The following THOC2 variants were observed in gnomAD, a reference collection of about 807,000 sequenced individuals.
The protein encoded by THOC2 is THO complex 2.
THOC2 carries 10 observed loss-of-function variants against 128.4 expected under a neutral mutation model. The observed-to-expected ratio is 0.08, with a 90% CI of 0.05 to 0.13. The LOEUF is 0.13. THOC2 is among the 10% of genes least tolerant of loss of function. The pLI, the probability that THOC2 is intolerant of heterozygous loss-of-function variation, is 1.00. For synonymous variants in THOC2, 393 were observed against 396.9 expected (o/e 0.99, Z 0.12); for missense variants, 535 against 1,155.7 (o/e 0.46, Z 7.79).
chrX:123,623,617 T>C (rs1346831562), intron 28 of THOC2, 170 bp downstream of exon 28: 1 of 1,090,176 alleles, frequency 9.2e-7, no homozygotes, highest in Non-Finnish European at 1.2e-6. Context: ...AGACCGGAAG[T>C]TGATAATCAG....
intron 4 of THOC2, among the ~76,000 whole-genome samples, chrX:123,702,683 A>G (rs2050757596): frequency 1.9e-5 from 2 of 106,122 alleles, no homozygotes; most frequent in South Asian, 8.2e-4. Context: ...GGATCACTTG[A>G]GCCCACGAGG....
chrX:123,621,763 T>C (rs751661950), intron 30 of THOC2, among the ~76,000 whole-genome samples, 176 bp from the exon 31 acceptor site: 1 of 111,919 alleles, frequency 8.9e-6, no homozygotes, highest in African/African-American at 3.2e-5. Context: ...GAAGTAATGG[T>C]CGGGTGCAGT....
At chrX:123,643,407 T>A (rs1051695453) in intron 15 of THOC2, among the ~76,000 whole-genome samples, 1 of 111,500 alleles carries the variant, frequency 9.0e-6, no homozygotes, top group Non-Finnish European at 1.9e-5. Context: ...ATAACTAAGG[T>A]AGTAGTGGTA....
At chrX:123,652,459 G>C (rs1160033696) in intron 12 of THOC2, among the ~76,000 whole-genome samples, 1 of 111,656 alleles carries the variant, frequency 9.0e-6, no homozygotes, top group African/African-American at 3.3e-5. Context: ...AAGAAATAAA[G>C]GGTACTGAAA....
Position 123,638,828 on chromosome X carries a change from G to C in THOC2, c.1840+106C>G, listed in dbSNP as rs758857858. The stretch of plus-strand genomic sequence containing the variant: ...TGACCAAACTTCAGATCAGCCACCT[G>C]AATCAACCTCAGATGGTTACTAAAG... On this transcript the variant is annotated intron_variant, in intron 17 of 38. Coordinates refer to ENST00000245838, the MANE Select transcript of THOC2 (RefSeq NM_001081550.2). The C allele has an allele frequency of 8.5e-5, 40 of 469,095 alleles. No individual in the cohort carries two copies. In the South Asian group the frequency reaches 1.7e-3, roughly 19 times the overall value. The allele number at this position is 469,095 out of a possible 1,213,427, so 38.7% of individuals were successfully genotyped here. A position where few individuals can be genotyped will look rare whatever the true frequency, so the allele number is the denominator to read the frequency against.
At chrX:123,657,037 C>CA (rs777740037) in intron 12 of THOC2, among the ~76,000 whole-genome samples, 1 of 110,596 alleles carries the variant, frequency 9.0e-6, no homozygotes, top group Non-Finnish European at 1.9e-5. Flanking sequence ...GCAATATAAG[C>CA]AGAGATATGG....
At chrX:123,652,314 C>A (rs1484332245) in intron 12 of THOC2, among the ~76,000 whole-genome samples, 1 of 111,861 alleles carries the variant, frequency 8.9e-6, no homozygotes, top group African/African-American at 3.3e-5. Flanking sequence ...GACAAACCCA[C>A]AGCCAATATC....
intron 12 of THOC2, among the ~76,000 whole-genome samples, chrX:123,649,586 A>C (rs6608110): frequency 0.35 from 38,264 of 109,330 alleles, 5,104 homozygotes; most frequent in East Asian, 0.67. Context: ...GCTAACTAGA[A>C]TAACCAGTTA....
chrX:123,616,781 G>T (rs748456175), intron 33 of THOC2, among the ~76,000 whole-genome samples: 21 of 110,176 alleles, frequency 1.9e-4, no homozygotes, highest in Non-Finnish European at 2.3e-4. Context: ...TAGGGGTAAA[G>T]GGTGAACTGA....
At chrX:123,648,874 G>A (rs1003071942) in intron 12 of THOC2, among the ~76,000 whole-genome samples, 2 of 111,963 alleles carry the variant, frequency 1.8e-5, no homozygotes, top group African/African-American at 6.5e-5. Context: ...GGGAAGAGGC[G>A]GCTGTGGGCA....
At chrX:123,723,161 G>A (rs1466784117) in intron 1 of THOC2, among the ~76,000 whole-genome samples, 1 of 110,434 alleles carries the variant, frequency 9.1e-6, no homozygotes, top group Non-Finnish European at 1.9e-5. Context: ...CAAACTAGGC[G>A]ACAGAGCAAG....
intron 12 of THOC2, among the ~76,000 whole-genome samples, chrX:123,647,445 G>GCATTCATT (rs199902229): frequency 1.3e-4 from 14 of 111,016 alleles, no homozygotes; most frequent in African/African-American, 4.3e-4. Flanking sequence ...CAAGAGACAT[G>GCATTCATT]CATTCATTCA....
chrX:123,725,428 C>CAA lies in THOC2; in HGVS notation c.71+7522_71+7523dup, dbSNP rs766388135. 3.1e-3 allele frequency among the ~76,000 whole-genome samples: 169 copies of CAA among 54,854 alleles called. 1 individual carries two copies. Among genetic ancestry groups the CAA allele is most frequent in the African/African-American group, 4.3e-3 (61 of 14,306 alleles). 47.6% of individuals were successfully genotyped at this position (54,854 alleles called of 115,157 possible). A position where few individuals can be genotyped will look rare whatever the true frequency, so the allele number is the denominator to read the frequency against. On this transcript the variant is annotated intron_variant, in intron 1 of 38. Coordinates refer to ENST00000245838, the MANE Select transcript of THOC2 (RefSeq NM_001081550.2). ...GCCAACAAGTGAGACCCCATCTCTACAAAAAAAAAAAAAAAATAGAAAAAA... is the reference window on the plus strand; with the variant it reads ...GCCAACAAGTGAGACCCCATCTCTACAAAAAAAAAAAAAAAAAATAGAAAAAA...
intron 12 of THOC2, among the ~76,000 whole-genome samples, chrX:123,650,756 A>C (rs960515951): frequency 1.8e-5 from 2 of 112,402 alleles, no homozygotes; most frequent in Non-Finnish European, 3.8e-5. Flanking sequence ...AAGAAGAGCT[A>C]ACTATACTAA....
chrX:123,691,021 G>T lies in THOC2; in HGVS notation c.602-4307C>A, dbSNP rs952712875. Among the ~76,000 whole-genome samples, 14 of 111,668 alleles carry T rather than the reference G, an allele frequency of 1.3e-4. 1 individual carries two copies. In the Admixed American group the frequency reaches 1.3e-3, roughly 11 times the overall value. ...GAGCTCAGGAGTTCGAGACCTGCCA[G>T]GGCAACATGGCAAAACCCCATCTCT... On this transcript the variant is annotated intron_variant, in intron 7 of 38. Coordinates refer to ENST00000245838, the MANE Select transcript of THOC2 (RefSeq NM_001081550.2).
chrX:123,653,345 A>T (rs1243924823), intron 12 of THOC2, among the ~76,000 whole-genome samples: 2 of 112,118 alleles, frequency 1.8e-5, no homozygotes, highest in Non-Finnish European at 3.8e-5. Flanking sequence ...AGGCAATACC[A>T]TTTAGGACAA....
chrX:123,664,276 C>A (rs766100925), intron 12 of THOC2, among the ~76,000 whole-genome samples: 112 of 111,912 alleles, frequency 1.0e-3, no homozygotes, highest in Non-Finnish European at 1.7e-3. Context: ...TAGGCAATAC[C>A]ATTCAGGACA....
intron 7 of THOC2, among the ~76,000 whole-genome samples, chrX:123,693,857 G>A (rs2050332453): frequency 9.0e-6 from 1 of 111,292 alleles, no homozygotes; most frequent in Non-Finnish European, 1.9e-5. Flanking sequence ...ACATTTGACT[G>A]CTACTTGGTG....
intron 33 of THOC2, among the ~76,000 whole-genome samples, chrX:123,614,523 G>A (rs1231041572): frequency 9.2e-6 from 1 of 108,415 alleles, no homozygotes; most frequent in Non-Finnish European, 1.9e-5. Flanking sequence ...AATAGTGACT[G>A]GAGTTTCTCT....
Sources: gnomAD v4.1 joint callset for allele counts (sites outside exome capture counted in the v4.1 genomes callset) on GRCh38, gnomAD v4.1.1 for gene constraint, MANE v1.5 for transcripts, NCBI Gene and HGNC (gene_info 2026-07-23, HGNC 2026-07-21) for gene names.